The following XRCC4 variants were observed in gnomAD, a reference collection of about 807,000 sequenced individuals.
XRCC4 encodes DNA repair protein XRCC4.
Under a neutral mutation model 39.1 loss-of-function variants are expected in XRCC4, and 28 were observed. The observed-to-expected ratio is 0.72, with a 90% CI of 0.53 to 0.98. The LOEUF is 0.98. XRCC4 is among the 50% of genes least tolerant of loss of function. The probability of loss-of-function intolerance (pLI) is 0.00; values close to 1 mark genes in which losing one functional copy is unlikely to be tolerated. For synonymous variants in XRCC4, 123 were observed against 126.4 expected (o/e 0.97, Z 0.18); for missense variants, 350 against 376.4 (o/e 0.93, Z 0.58).
chr5:83,265,508 G>A (rs896788406), intron 7 of XRCC4, among the ~76,000 whole-genome samples: 2 of 152,124 alleles, frequency 1.3e-5, no homozygotes, highest in African/African-American at 2.4e-5. Context: ...TTGTTCCAGA[G>A]TATACTGATT....
chr5:83,332,226 T>TACAC (rs67822741), intron 7 of XRCC4, among the ~76,000 whole-genome samples: 19,649 of 141,816 alleles, frequency 0.14, 1,385 homozygotes, highest in Non-Finnish European at 0.18. Context: ...TTCAATCTTC[T>TACAC]ACACACACAC....
At position 83,217,372 on chromosome 5, in the gene XRCC4, A is replaced by AAC. The variant is rs1751906032; in HGVS notation, c.745+12452_745+12453insCA. Among the ~76,000 whole-genome samples the AAC allele has an allele frequency of 1.3e-5, 2 of 151,578 alleles. 1 individual carries two copies. Among genetic ancestry groups the AAC allele is most frequent in the African/African-American group, 4.9e-5 (2 of 41,112 alleles). On this transcript the variant is annotated intron_variant, in intron 6 of 7. Coordinates refer to ENST00000396027, the MANE Select transcript of XRCC4 (RefSeq NM_003401.5). ...AGACTCCGTCTCAAAAAAAAAAAAA[A>AAC]AAAAACCATTGCGATAATTTGAGCT...
At chr5:83,265,285 A>G (rs558203449) in intron 7 of XRCC4, among the ~76,000 whole-genome samples, 50 of 152,286 alleles carry the variant, frequency 3.3e-4, no homozygotes, top group South Asian at 6.2e-4. Flanking sequence ...TGAATGTTCA[A>G]TTGCTATATA....
chr5:83,354,986 C>A (rs898984525), downstream of XRCC4, among the ~76,000 whole-genome samples: 2 of 152,046 alleles, frequency 1.3e-5, no homozygotes, highest in African/African-American at 4.8e-5. Flanking sequence ...AATAATGAAC[C>A]ATTGCCCTTT....
chr5:83,150,729 A>G (rs1420312306), intron 3 of XRCC4, among the ~76,000 whole-genome samples: 4 of 152,110 alleles, frequency 2.6e-5, no homozygotes, highest in East Asian at 1.9e-4. Flanking sequence ...AATTTATTCT[A>G]TGTTCTGTCA....
intron 6 of XRCC4, among the ~76,000 whole-genome samples, chr5:83,239,844 A>T (rs572560205): frequency 1.3e-5 from 2 of 149,696 alleles, no homozygotes; most frequent in Non-Finnish European, 1.5e-5. Context: ...AAAAAAAAAT[A>T]TTTTTCCTTT....
At chr5:83,106,203 A>G (rs948647618) in intron 2 of XRCC4, among the ~76,000 whole-genome samples, 1 of 152,130 alleles carries the variant, frequency 6.6e-6, no homozygotes, top group South Asian at 2.1e-4. Flanking sequence ...TATGTATGCC[A>G]GAGAGATTAT....
the XRCC4 span, among the ~76,000 whole-genome samples, chr5:83,373,049 A>G: frequency 6.6e-6 from 1 of 152,132 alleles, no homozygotes; most frequent in African/African-American, 2.4e-5. Context: ...TTCTGAGTGG[A>G]GTTTCTCTTA....
chr5:83,104,880 A>G (rs890504507), intron 1 of XRCC4, 30 bp from the exon 2 acceptor site: 110 of 1,595,098 alleles, frequency 6.9e-5, no homozygotes, highest in Non-Finnish European at 9.1e-5. Flanking sequence ...AGTTTCTTTT[A>G]AAAATATTAA....
chr5:83,113,730 C>A (rs1746562255), intron 3 of XRCC4, among the ~76,000 whole-genome samples: 1 of 152,058 alleles, frequency 6.6e-6, no homozygotes, highest in African/African-American at 2.4e-5. Context: ...GGGTTCATGC[C>A]ATTCTCCTGC....
intron 7 of XRCC4, among the ~76,000 whole-genome samples, chr5:83,315,696 G>C (rs1425963718): frequency 4.6e-5 from 7 of 152,132 alleles, no homozygotes; most frequent in Admixed American, 4.6e-4. Context: ...CCTGATTATA[G>C]CATGATTTAC....
intron 7 of XRCC4, chr5:83,311,130 A>G (rs1325147927): frequency 9.4e-6 from 2 of 212,972 alleles, no homozygotes; most frequent in African/African-American, 4.7e-5. Flanking sequence ...AAGGAATTTG[A>G]TGCTCATAAA....
intron 7 of XRCC4, among the ~76,000 whole-genome samples, chr5:83,263,202 C>CA (rs1753826048): frequency 6.6e-6 from 1 of 150,856 alleles, no homozygotes; most frequent in Non-Finnish European, 1.5e-5. Context: ...GCATAGTATT[C>CA]CATGGTGTAT....
intron 7 of XRCC4, among the ~76,000 whole-genome samples, chr5:83,306,656 A>G (rs1755498525): frequency 6.6e-6 from 1 of 152,206 alleles, no homozygotes; most frequent in Non-Finnish European, 1.5e-5. Context: ...TTTCAAATTA[A>G]GCAATACATA....
chr5:83,176,666 A>G (rs1561382664), intron 3 of XRCC4, among the ~76,000 whole-genome samples: 1 of 148,662 alleles, frequency 6.7e-6, no homozygotes, highest in Non-Finnish European at 1.5e-5. Context: ...TCTGTCACCC[A>G]GGCTGGAGTG....
chr5:83,135,210 T>C (rs1004619481), intron 3 of XRCC4, among the ~76,000 whole-genome samples: 1 of 152,186 alleles, frequency 6.6e-6, no homozygotes, highest in African/African-American at 2.4e-5. Context: ...CGGCTCATGC[T>C]CTGTGGGCTG....
chr5:83,232,037 T>C (rs80009332), intron 6 of XRCC4, among the ~76,000 whole-genome samples: 2,423 of 152,208 alleles, frequency 0.016, 60 homozygotes, highest in African/African-American at 0.054. Context: ...TAAATCTGTT[T>C]TGTTGGACAT....
At chr5:83,212,694 G>C (rs1751695251) in intron 6 of XRCC4, among the ~76,000 whole-genome samples, 1 of 152,204 alleles carries the variant, frequency 6.6e-6, no homozygotes, top group African/African-American at 2.4e-5. Flanking sequence ...TTGGGAGGCT[G>C]AGGCAGGCAG....
At chr5:83,228,665 A>T (rs1391031018) in intron 6 of XRCC4, among the ~76,000 whole-genome samples, 3 of 152,072 alleles carry the variant, frequency 2.0e-5, no homozygotes, top group African/African-American at 7.2e-5. Context: ...ACCATCTGAT[A>T]GTTACATGCA....
Sources: gnomAD v4.1 joint callset for allele counts (sites outside exome capture counted in the v4.1 genomes callset) on GRCh38, gnomAD v4.1.1 for gene constraint, MANE v1.5 for transcripts, NCBI Gene and HGNC (gene_info 2026-07-23, HGNC 2026-07-21) for gene names.